The following CEMIP variants were observed in gnomAD, a reference collection of about 807,000 sequenced individuals.
CEMIP encodes cell migration-inducing and hyaluronan-binding protein.
Under a neutral mutation model 156.9 loss-of-function variants are expected in CEMIP, and 105 were observed. The observed-to-expected ratio is 0.67, with a 90% CI of 0.57 to 0.79. CEMIP has a LOEUF of 0.79. CEMIP is among the 30% of genes least tolerant of loss of function. The probability of loss-of-function intolerance (pLI) is 0.00; values close to 1 mark genes in which losing one functional copy is unlikely to be tolerated. For missense variants in CEMIP, 1,457 were observed against 1,769.4 expected, an observed-to-expected ratio of 0.82 and a Z score of 3.17; for synonymous variants, 676 against 668.4, an observed-to-expected ratio of 1.01 and a Z score of -0.17.
chr15:80,850,109 G>T (rs1897677453), intron 1 of CEMIP, among the ~76,000 whole-genome samples: 1 of 152,174 alleles, frequency 6.6e-6, no homozygotes, highest in South Asian at 2.1e-4. Flanking sequence ...GGCTGTCCAG[G>T]CAAGGGATGG....
At chr15:80,922,860 A>G (rs2141926968) in intron 17 of CEMIP, among the ~76,000 whole-genome samples, 1 of 152,204 alleles carries the variant, frequency 6.6e-6, no homozygotes, top group African/African-American at 2.4e-5. Flanking sequence ...CATGGCTGAG[A>G]CCAGAGACGC....
intron 1 of CEMIP, among the ~76,000 whole-genome samples, chr15:80,855,032 A>T (rs1384044498): frequency 6.6e-6 from 1 of 152,124 alleles, no homozygotes; most frequent in African/African-American, 2.4e-5. Flanking sequence ...TAAACAAATT[A>T]AAAAATTAGC....
At chr15:80,931,704 T>C (rs772343362) in intron 21 of CEMIP, among the ~76,000 whole-genome samples, 155 bp from the exon 22 acceptor site, 42 of 152,188 alleles carry the variant, frequency 2.8e-4, no homozygotes, top group Non-Finnish European at 5.6e-4. Flanking sequence ...GGGGAGTTTC[T>C]AGAGGTGGGG....
intron 12 of CEMIP, 163 bp downstream of exon 12, chr15:80,896,223 T>C: frequency 2.6e-6 from 2 of 768,042 alleles, no homozygotes; most frequent in South Asian, 2.9e-5. Context: ...TATTTCTTAC[T>C]CATGTATCTG....
At chr15:80,835,265 T>C (rs1489214486) in intron 1 of CEMIP, among the ~76,000 whole-genome samples, 6 of 152,222 alleles carry the variant, frequency 3.9e-5, no homozygotes, top group Non-Finnish European at 7.3e-5. Context: ...CAATTCACCA[T>C]GCTTTTGCTC....
intron 12 of CEMIP, among the ~76,000 whole-genome samples, chr15:80,897,543 G>A (rs773492113): frequency 6.6e-6 from 1 of 152,212 alleles, no homozygotes; most frequent in Non-Finnish European, 1.5e-5. Flanking sequence ...GTAATTTGGT[G>A]AGTGTAGCTA....
At chr15:80,922,454 T>C (rs1436688833) in intron 17 of CEMIP, among the ~76,000 whole-genome samples, 1 of 152,210 alleles carries the variant, frequency 6.6e-6, no homozygotes, top group African/African-American at 2.4e-5. Context: ...GGCACCTGAA[T>C]TTGGTTTGCA....
chr15:80,781,857 C>T (rs893907506), intron 1 of CEMIP, among the ~76,000 whole-genome samples: 6 of 152,176 alleles, frequency 3.9e-5, no homozygotes, highest in African/African-American at 1.4e-4. Flanking sequence ...GTAGCAATTA[C>T]AGGTATATTT....
chr15:80,807,909 G>A (rs1464832718), intron 1 of CEMIP, among the ~76,000 whole-genome samples: 1 of 152,126 alleles, frequency 6.6e-6, no homozygotes, highest in Non-Finnish European at 1.5e-5. Context: ...GTGTCAGGGA[G>A]CACCTGTGTG....
chr15:80,870,984 C>T (rs1236057486), intron 1 of CEMIP, among the ~76,000 whole-genome samples: 1 of 152,164 alleles, frequency 6.6e-6, no homozygotes, highest in Admixed American at 6.6e-5. Context: ...CAGAGACTTC[C>T]AGCATTGTTA....
At position 80,882,747 on chromosome 15, in the gene CEMIP, T is replaced by G. The variant is rs979471672; in HGVS notation, c.618-1428T>G. Among the ~76,000 whole-genome samples, 5 of 133,940 alleles carry G rather than the reference T, an allele frequency of 3.7e-5. No individual in the cohort carries two copies. In the South Asian group the frequency reaches 1.2e-3, roughly 31 times the overall value. 87.9% of individuals were successfully genotyped at this position (133,940 alleles called of 152,430 possible). A position where few individuals can be genotyped will look rare whatever the true frequency, so the allele number is the denominator to read the frequency against. ...TGTATGAGTAAAGATAATAAGCGCA[T>G]GCACACACATACACACACACACACA... On this transcript the variant is annotated intron_variant, in intron 6 of 29. Transcript: ENST00000394685.
At chr15:80,780,361 C>A (rs1895758788) in intron 1 of CEMIP, among the ~76,000 whole-genome samples, 1 of 152,214 alleles carries the variant, frequency 6.6e-6, no homozygotes, top group Admixed American at 6.5e-5. Context: ...CCTGGCAGAA[C>A]GCTGGCCAGG....
chr15:80,924,832 G>A, intron 18 of CEMIP, 126 bp downstream of exon 18: 2 of 863,856 alleles, frequency 2.3e-6, no homozygotes, highest in Non-Finnish European at 3.8e-6. Context: ...TGGGCTTTGA[G>A]CTAGTTGCTG....
chr15:80,903,898 G>A (rs1654402265), intron 12 of CEMIP, among the ~76,000 whole-genome samples: 1 of 152,224 alleles, frequency 6.6e-6, no homozygotes, highest in Admixed American at 6.5e-5. Context: ...AGGTTTTTCT[G>A]TGGGTGGCCG....
At position 80,932,111 on chromosome 15, in the gene CEMIP, C is replaced by A; in HGVS notation, c.2793+72C>A. 6.4e-7 allele frequency: 1 copy of A among 1,566,638 alleles called. No homozygotes were observed. ...TGGTGATTCACAAGTCCCCTGGGTCCCAGAGTTTGAGCTATTGCCACCACC... is the reference window on the plus strand; with the variant it reads ...TGGTGATTCACAAGTCCCCTGGGTCACAGAGTTTGAGCTATTGCCACCACC... On this transcript the variant is annotated intron_variant, in intron 22 of 29. Coordinates refer to ENST00000394685, the MANE Select transcript of CEMIP (RefSeq NM_001293298.2). This position sits in a 1 kb window ranked among gnomAD's most constrained non-coding sequence, Gnocchi z 4.5.
intron 14 of CEMIP, among the ~76,000 whole-genome samples, chr15:80,917,603 G>A (rs941837970): frequency 2.0e-5 from 3 of 152,196 alleles, no homozygotes; most frequent in African/African-American, 7.2e-5. Flanking sequence ...AGGTGAATAG[G>A]ATTCAAGATC....
chr15:80,941,790 A>C (rs1440508319), intron 25 of CEMIP, 59 bp from the exon 26 acceptor site: 4 of 1,433,664 alleles, frequency 2.8e-6, no homozygotes, highest in East Asian at 4.6e-5. Context: ...GGTGGGTGGG[A>C]GGAGAAGAGG....
At chr15:80,851,358 G>C (rs1158691934) in intron 1 of CEMIP, among the ~76,000 whole-genome samples, 2 of 152,194 alleles carry the variant, frequency 1.3e-5, no homozygotes, top group African/African-American at 2.4e-5. Flanking sequence ...TTGATCCGTT[G>C]AGCATTGATT....
At chr15:80,915,368 T>C (rs1900231426) in intron 14 of CEMIP, among the ~76,000 whole-genome samples, 1 of 152,222 alleles carries the variant, frequency 6.6e-6, no homozygotes, top group South Asian at 2.1e-4. Flanking sequence ...AAGGATAGCT[T>C]GGAGGTTAGA....
Sources: gnomAD v4.1 joint callset for allele counts (sites outside exome capture counted in the v4.1 genomes callset) on GRCh38, gnomAD v4.1.1 for gene constraint, Gnocchi (gnomAD v3.1) non-coding constraint, MANE v1.5 for transcripts, NCBI Gene and HGNC (gene_info 2026-07-23, HGNC 2026-07-21) for gene names.